The following CAST variants were observed in gnomAD, a reference collection of about 807,000 sequenced individuals.
CAST encodes MIR583 host.
Under a neutral mutation model 119.6 loss-of-function variants are expected in CAST, and 76 were observed. The observed-to-expected ratio is 0.64, with a 90% CI of 0.53 to 0.77. The LOEUF (loss-of-function observed/expected upper bound fraction) is 0.77, where lower values mean the gene tolerates loss of function less well. Ranked by LOEUF, CAST falls within the 30% of genes least tolerant of loss-of-function variation. CAST has a pLI of 0.00. For synonymous variants in CAST, 319 were observed against 331.6 expected, an observed-to-expected ratio of 0.96 and a Z score of 0.41; for missense variants, 953 against 946.5, an observed-to-expected ratio of 1.01 and a Z score of -0.09.
upstream of CAST, among the ~76,000 whole-genome samples, chr5:96,659,186 T>C (rs922623477): frequency 2.6e-5 from 4 of 152,132 alleles, no homozygotes; most frequent in African/African-American, 4.8e-5. Flanking sequence ...ACAGATATAA[T>C]GAAAAAGGTT....
the CAST span, among the ~76,000 whole-genome samples, chr5:96,292,507 A>G: frequency 1.3e-5 from 2 of 152,324 alleles, no homozygotes; most frequent in Non-Finnish European, 2.9e-5. Context: ...AACAAGCCCA[A>G]TTCAGACTGA....
chr5:96,416,092 G>A, the CAST span: 192 of 1,612,254 alleles, frequency 1.2e-4, no homozygotes, highest in Non-Finnish European at 1.6e-4. Flanking sequence ...TGCTTGCATG[G>A]CAATTTCTCC....
At chr5:96,229,147 T>C in the CAST span, among the ~76,000 whole-genome samples, 2 of 151,874 alleles carry the variant, frequency 1.3e-5, no homozygotes, top group African/African-American at 4.8e-5. Flanking sequence ...AAAGATTCTA[T>C]AGAAAAGAAA....
the CAST span, among the ~76,000 whole-genome samples, chr5:96,131,848 G>C: frequency 8.5e-5 from 13 of 152,124 alleles, no homozygotes; most frequent in Non-Finnish European, 1.6e-4. Flanking sequence ...CATACACAGG[G>C]AGGACCCAAA....
the CAST span, among the ~76,000 whole-genome samples, chr5:96,464,725 A>G: frequency 6.6e-6 from 1 of 152,124 alleles, no homozygotes; most frequent in Non-Finnish European, 1.5e-5. Flanking sequence ...TTCTTCCAAA[A>G]AAGTGCATAA....
At chr5:96,368,565 A>G in the CAST span, among the ~76,000 whole-genome samples, 1 of 151,748 alleles carries the variant, frequency 6.6e-6, no homozygotes. Context: ...TAAATCTCAG[A>G]CACATTCAGT....
chr5:96,104,368 G>A, the CAST span, among the ~76,000 whole-genome samples: 1 of 152,300 alleles, frequency 6.6e-6, no homozygotes, highest in Middle Eastern at 3.4e-3. Flanking sequence ...ATGGTTTTAG[G>A]TCTAACGTTT....
the CAST span, among the ~76,000 whole-genome samples, chr5:96,266,744 T>C: frequency 1.3e-5 from 2 of 152,134 alleles, no homozygotes; most frequent in Non-Finnish European, 2.9e-5. Context: ...ACATAACTAA[T>C]TCATCAATGC....
chr5:96,348,407 A>G, the CAST span, among the ~76,000 whole-genome samples: 1 of 151,730 alleles, frequency 6.6e-6, no homozygotes, highest in East Asian at 1.9e-4. Context: ...AGAGAGAGGG[A>G]GAGATAGAGA....
At chr5:96,108,980 C>T in the CAST span, among the ~76,000 whole-genome samples, 7 of 152,360 alleles carry the variant, frequency 4.6e-5, no homozygotes, top group East Asian at 3.9e-4. Context: ...GGGAGTGACC[C>T]GATTTTCCAG....
At chr5:96,469,858 TGTGTGTGTATATATATATATA>T in the CAST span, among the ~76,000 whole-genome samples, 1 of 109,014 alleles carries the variant, frequency 9.2e-6, no homozygotes, top group South Asian at 2.5e-4. Context: ...TATATATATA[TGTGTGTGTATATATATATATA>T]ATATATATAT....
chr5:96,696,631 T>C (rs542134035), intron 3 of CAST, among the ~76,000 whole-genome samples: 48 of 145,418 alleles, frequency 3.3e-4, no homozygotes, highest in Non-Finnish European at 6.1e-4. Flanking sequence ...GGAGGATCAC[T>C]TGAGCCCAGG....
At chr5:96,451,394 AG>A in the CAST span, among the ~76,000 whole-genome samples, 4 of 152,258 alleles carry the variant, frequency 2.6e-5, no homozygotes, top group African/African-American at 9.6e-5. Flanking sequence ...CAATGAGGAA[AG>A]GATTCCCTAT....
At chr5:96,277,076 C>T in the CAST span, among the ~76,000 whole-genome samples, 1 of 152,194 alleles carries the variant, frequency 6.6e-6, no homozygotes, top group African/African-American at 2.4e-5. Context: ...ATTTATTCAT[C>T]CATTCCTTTC....
At chr5:96,606,476 T>G (rs1301466628) in intron 1 of CAST, among the ~76,000 whole-genome samples, 1 of 152,126 alleles carries the variant, frequency 6.6e-6, no homozygotes, top group Non-Finnish European at 1.5e-5. Flanking sequence ...CATGAGACAC[T>G]GGGACTGGAG....
chr5:96,251,192 G>A, the CAST span, among the ~76,000 whole-genome samples: 1 of 152,154 alleles, frequency 6.6e-6, no homozygotes. Context: ...CTACAAATCT[G>A]CAAATGTAGT....
chr5:96,409,192 G>A, the CAST span, among the ~76,000 whole-genome samples: 2 of 152,302 alleles, frequency 1.3e-5, no homozygotes, highest in Middle Eastern at 3.4e-3. Flanking sequence ...GGACCACGGC[G>A]CTGCTGGTTG....
At chr5:96,071,928 A>G in the CAST span, among the ~76,000 whole-genome samples, 1 of 152,218 alleles carries the variant, frequency 6.6e-6, no homozygotes, top group Non-Finnish European at 1.5e-5. Flanking sequence ...GCTGACCGGT[A>G]CATGGGTACA....
At chr5:96,109,998 G>A in the CAST span, among the ~76,000 whole-genome samples, 2 of 151,864 alleles carry the variant, frequency 1.3e-5, no homozygotes, top group Admixed American at 6.6e-5. Flanking sequence ...TTAGAAATTC[G>A]GAGTGAATGC....
Sources: allele counts gnomAD v4.1 joint callset (sites outside exome capture counted in the v4.1 genomes callset), GRCh38; gene constraint gnomAD v4.1.1; transcripts MANE v1.5; gene names NCBI Gene and HGNC (gene_info 2026-07-23, HGNC 2026-07-21).